Variants in ZMYM4 observed in about 807,000 individuals in gnomAD.
The protein encoded by ZMYM4 is zinc finger MYM-type containing 4.
Under a neutral mutation model 183.2 loss-of-function variants are expected in ZMYM4, and 31 were observed. That is an observed-to-expected ratio of 0.17 (90% CI 0.13 to 0.23). ZMYM4 has a LOEUF of 0.23. ZMYM4 is among the 10% of genes least tolerant of loss of function. ZMYM4 has a pLI of 1.00. For missense variants in ZMYM4, 1,273 were observed against 1,840.3 expected (o/e 0.69, Z 5.64); for synonymous variants, 592 against 631.2 (o/e 0.94, Z 0.93).
intron 7 of ZMYM4, among the ~76,000 whole-genome samples, chr1:35,378,906 G>A (rs555337308): frequency 1.3e-5 from 2 of 152,216 alleles, no homozygotes; most frequent in East Asian, 3.9e-4. Flanking sequence ...AGCTTCTTTC[G>A]TTAAACCGTA....
chr1:35,381,261 A>G lies in ZMYM4; in HGVS notation c.1184A>G (p.Asp395Gly). The change falls in exon 8 of 30, where the codon GAC (aspartate) becomes GGC (glycine). Residue 395 changes from aspartate (D) to glycine (G), a missense_variant and splice_region_variant. Asp to Gly is a moderately conservative substitution (Grantham distance 94). Coordinates refer to ENST00000314607, the MANE Select transcript of ZMYM4 (RefSeq NM_005095.3). ...TGTTATTTTTTTCTTATTTTTAGAG[A>G]CATTTTAAATCCAAAGGATGTGATC... ...TKKTCSSCSK[D>G]ILNPKDVISA... 1 of 1,570,272 alleles carries G rather than the reference A, an allele frequency of 6.4e-7. No homozygotes were observed. The highest frequency in any genetic ancestry group is 1.4e-5 in the African/African-American group (1 of 72,632).
At chr1:35,406,516 G>C in intron 25 of ZMYM4, among the ~76,000 whole-genome samples, 1 of 152,054 alleles carries the variant, frequency 6.6e-6, no homozygotes, top group East Asian at 1.9e-4. Context: ...GTGAGACCCT[G>C]TCTCTAAAAA....
At chr1:35,355,020 CTTTATTTTTTATTTTTA>C (rs1277895799) in intron 2 of ZMYM4, among the ~76,000 whole-genome samples, 4 of 151,234 alleles carry the variant, frequency 2.6e-5, no homozygotes, top group African/African-American at 9.7e-5. Context: ...AGCTGCAAGA[CTTTATTTTTTATTTTTA>C]TTTATTTTTT....
intron 1 of ZMYM4, among the ~76,000 whole-genome samples, chr1:35,271,358 T>TG (rs1214904998): frequency 7.1e-6 from 1 of 140,618 alleles, no homozygotes; most frequent in African/African-American, 2.7e-5. Context: ...AAAGGAATGC[T>TG]GGAAAAAAAA....
chr1:35,376,281 A>T (rs899620896), intron 7 of ZMYM4, among the ~76,000 whole-genome samples: 1 of 152,128 alleles, frequency 6.6e-6, no homozygotes, highest in Non-Finnish European at 1.5e-5. Context: ...CCACAATAAG[A>T]TGTAATCTAA....
chr1:35,300,288 CTA>C (rs1641222362), intron 1 of ZMYM4, among the ~76,000 whole-genome samples: 1 of 152,196 alleles, frequency 6.6e-6, no homozygotes, highest in South Asian at 2.1e-4. Context: ...AGCATTGCTT[CTA>C]TGAGTCTACT....
chr1:35,379,363 T>G (rs1357093104), intron 7 of ZMYM4, among the ~76,000 whole-genome samples: 2 of 152,194 alleles, frequency 1.3e-5, no homozygotes, highest in African/African-American at 4.8e-5. Flanking sequence ...CCTCCCAAAG[T>G]GCTGGGATTA....
At chr1:35,319,485 G>T (rs369184487) in intron 1 of ZMYM4, among the ~76,000 whole-genome samples, 1 of 151,974 alleles carries the variant, frequency 6.6e-6, no homozygotes, top group Non-Finnish European at 1.5e-5. Flanking sequence ...TTAGCTGGGC[G>T]TGGTTGTGCA....
At chr1:35,383,095 G>A (rs1644501391) in intron 9 of ZMYM4, among the ~76,000 whole-genome samples, 1 of 152,170 alleles carries the variant, frequency 6.6e-6, no homozygotes, top group Admixed American at 6.5e-5. Context: ...GATGAGGTGT[G>A]CACGGGATGA....
At chr1:35,343,009 G>GA (rs1158058075) in intron 2 of ZMYM4, among the ~76,000 whole-genome samples, 1 of 152,020 alleles carries the variant, frequency 6.6e-6, no homozygotes, top group Non-Finnish European at 1.5e-5. Flanking sequence ...TACTAGTTTG[G>GA]ATACAAGTCT....
chr1:35,392,707 G>A (rs762087683), intron 17 of ZMYM4, 23 bp downstream of exon 17: 8 of 1,572,868 alleles, frequency 5.1e-6, no homozygotes, highest in Non-Finnish European at 4.3e-6. Flanking sequence ...ACTTTTATTG[G>A]TATTGTCACT....
intron 2 of ZMYM4, among the ~76,000 whole-genome samples, chr1:35,330,123 G>A (rs1432204526): frequency 6.6e-6 from 1 of 151,876 alleles, no homozygotes. Flanking sequence ...ATTGAGTCAG[G>A]AGGATTGATT....
intron 23 of ZMYM4, among the ~76,000 whole-genome samples, chr1:35,402,136 AG>A (rs1159281930): frequency 6.7e-6 from 1 of 149,186 alleles, no homozygotes. Context: ...AAAAAAAAAA[AG>A]GCTGCTAGAA....
intron 11 of ZMYM4, 37 bp downstream of exon 11, chr1:35,386,226 G>A (rs377696542): frequency 2.1e-6 from 3 of 1,454,992 alleles, no homozygotes; most frequent in Non-Finnish European, 2.9e-6. Flanking sequence ...TTCAGTCAGT[G>A]AGTCACCTAC....
intron 1 of ZMYM4, among the ~76,000 whole-genome samples, chr1:35,316,859 C>T (rs1055580205): frequency 2.6e-5 from 4 of 152,132 alleles, no homozygotes; most frequent in African/African-American, 4.8e-5. Context: ...TGGTGGCTCA[C>T]GCCTGTAATC....
At chr1:35,385,714 G>A in intron 10 of ZMYM4, 122 bp downstream of exon 10, 3 of 1,145,636 alleles carry the variant, frequency 2.6e-6, no homozygotes, top group Non-Finnish European at 3.5e-6. Flanking sequence ...GATATTTGTT[G>A]TAAAATATCA....
intron 26 of ZMYM4, among the ~76,000 whole-genome samples, chr1:35,411,153 T>G (rs574144267): frequency 4.1e-4 from 62 of 152,088 alleles, no homozygotes; most frequent in African/African-American, 1.4e-3. Flanking sequence ...TGGGTTTAAT[T>G]TGGACTCTCA....
At chr1:35,289,833 C>T (rs1016121166) in intron 1 of ZMYM4, among the ~76,000 whole-genome samples, 3 of 152,138 alleles carry the variant, frequency 2.0e-5, no homozygotes, top group African/African-American at 7.2e-5. Context: ...GATACTTTTA[C>T]CATATATCCT....
At chr1:35,373,981 C>G (rs975994579) in intron 7 of ZMYM4, among the ~76,000 whole-genome samples, 4 of 140,860 alleles carry the variant, frequency 2.8e-5, no homozygotes, top group Non-Finnish European at 6.1e-5. Flanking sequence ...TATATCCTGT[C>G]TCTAATTTCT....
Sources: allele counts gnomAD v4.1 joint callset (sites outside exome capture counted in the v4.1 genomes callset), GRCh38; gene constraint gnomAD v4.1.1; transcripts MANE v1.5; gene names NCBI Gene and HGNC (gene_info 2026-07-23, HGNC 2026-07-21).